FLT1: variants seen among roughly 807,000 people sequenced by gnomAD.
The protein encoded by FLT1 is vascular endothelial growth factor receptor 1.
A neutral mutation model predicts 156.3 loss-of-function variants in FLT1; 49 were observed. The observed-to-expected ratio is 0.31, with a 90% CI of 0.25 to 0.40. FLT1 has a LOEUF of 0.40. Among genes scored for constraint, FLT1 ranks in the 10% least tolerant of loss-of-function variants. The probability of loss-of-function intolerance (pLI) is 1.00; values close to 1 mark genes in which losing one functional copy is unlikely to be tolerated. For synonymous variants in FLT1, 594 were observed against 583.8 expected (o/e 1.02, Z -0.25); for missense variants, 1,322 against 1,637.2 (o/e 0.81, Z 3.32).
chr13:28,478,138 T>G (rs571148591), intron 1 of FLT1, among the ~76,000 whole-genome samples: 25 of 152,330 alleles, frequency 1.6e-4, no homozygotes, highest in African/African-American at 5.8e-4. Flanking sequence ...ATAACATGCT[T>G]GAACTGCCTT....
chr13:28,440,400 C>T lies in FLT1; in HGVS notation c.389-2055G>A, dbSNP rs370912114. 1.8e-4 allele frequency among the ~76,000 whole-genome samples: 27 copies of T among 152,286 alleles called. No individual in the cohort carries two copies. The East Asian group carries it at 2.9e-3, about 16-fold the overall frequency. On this transcript the variant is annotated intron_variant, in intron 3 of 29. Transcript: ENST00000282397. ...AGTTACTTCTGCCTCCAATCTAGAG[C>T]CCCTTCCCTGGCGGCACCCTGAAGG... is the stretch of plus-strand genomic sequence containing the variant.
rs1032300875 is a variant in FLT1, at chr13:28,467,033, T to C, written c.258A>G (p.Lys86=). 4 of 1,614,068 alleles carry C rather than the reference T, an allele frequency of 2.5e-6. No homozygotes were observed. The highest frequency in any genetic ancestry group is 1.7e-5 in the Admixed American group (1 of 60,006). Residue 86 remains lysine, a synonymous_variant, in exon 3 of 30, where the codon AAA becomes AAG. Transcript: ENST00000282397. The part of the protein sequence containing the change: ...ITKSACGRNG[K]QFCSTLTLNT... Reference sequence around the variant, plus strand: ...TCAAGGTTAAAGTACTGCAGAATTGTTTGCCATTTCTTCCACAGGCAGATT... The same window carrying C: ...TCAAGGTTAAAGTACTGCAGAATTGCTTGCCATTTCTTCCACAGGCAGATT...
intron 4 of FLT1, among the ~76,000 whole-genome samples, chr13:28,436,349 G>T (rs117823394): frequency 0.056 from 8,521 of 152,254 alleles, 445 homozygotes; most frequent in Admixed American, 0.17. Flanking sequence ...GACAATAAGA[G>T]AAATGAAAGG....
intron 3 of FLT1, among the ~76,000 whole-genome samples, chr13:28,451,899 GTGT>G (rs1230755814): frequency 5.3e-5 from 8 of 152,234 alleles, no homozygotes; most frequent in Admixed American, 1.3e-4. Flanking sequence ...GGGACAGGAG[GTGT>G]TGTGGCAGCT....
chr13:28,383,923 C>T (rs1363383736), intron 14 of FLT1, among the ~76,000 whole-genome samples: 1 of 152,130 alleles, frequency 6.6e-6, no homozygotes, highest in East Asian at 1.9e-4. Flanking sequence ...CATGTCATAC[C>T]ATTTTATATA....
At chr13:28,353,488 G>C (rs1160238463) in intron 15 of FLT1, among the ~76,000 whole-genome samples, 1 of 150,662 alleles carries the variant, frequency 6.6e-6, no homozygotes, top group East Asian at 2.0e-4. Context: ...CAGAAGAATT[G>C]CTTGAGCTCA....
At chr13:28,430,600 T>C (rs1207832928) in intron 7 of FLT1, among the ~76,000 whole-genome samples, 1 of 152,194 alleles carries the variant, frequency 6.6e-6, no homozygotes, top group East Asian at 1.9e-4. Context: ...AATTGTTCCA[T>C]AGTTTCTGCC....
Position 28,329,598 on chromosome 13 carries a change from C to T in FLT1, c.2707+17G>A, listed in dbSNP as rs752143873. 2.6e-6 allele frequency: 4 copies of T among 1,561,824 alleles called. No individual in the cohort carries two copies. The highest frequency in any genetic ancestry group is 2.2e-5 in the South Asian group (2 of 89,930). Reference sequence around the variant, plus strand: ...TGTGCAGGGGGAGACGGAGCCGGCCCTCCCCTTCTCCATTACCTCCTTGCT... The same window carrying T: ...TGTGCAGGGGGAGACGGAGCCGGCCTTCCCCTTCTCCATTACCTCCTTGCT... On this transcript the variant is annotated intron_variant, in intron 19 of 29. Coordinates refer to ENST00000282397, the MANE Select transcript of FLT1 (RefSeq NM_002019.4).
intron 12 of FLT1, among the ~76,000 whole-genome samples, chr13:28,391,277 A>G (rs1874695228): frequency 6.6e-6 from 1 of 152,194 alleles, no homozygotes; most frequent in Admixed American, 6.5e-5. Context: ...TTATAAGAAA[A>G]TAAGTCTTGG....
At chr13:28,444,532 A>G (rs1006868310) in intron 3 of FLT1, among the ~76,000 whole-genome samples, 1 of 152,290 alleles carries the variant, frequency 6.6e-6, no homozygotes, top group East Asian at 1.9e-4. Flanking sequence ...ACCCAACGAC[A>G]TCTATAGAAC....
At chr13:28,325,371 G>A (rs1222245074) in intron 20 of FLT1, among the ~76,000 whole-genome samples, 2 of 152,142 alleles carry the variant, frequency 1.3e-5, no homozygotes, top group East Asian at 3.9e-4. Context: ...AGGCAGTGGA[G>A]GAGGAGTCAA....
chr13:28,404,170 A>G (rs550503529), intron 11 of FLT1, among the ~76,000 whole-genome samples: 1 of 152,360 alleles, frequency 6.6e-6, no homozygotes, highest in African/African-American at 2.4e-5. Context: ...GTTTTAAAGT[A>G]CTGCTTATTT....
chr13:28,384,428 G>A (rs1407018725), intron 14 of FLT1, among the ~76,000 whole-genome samples: 2 of 131,842 alleles, frequency 1.5e-5, no homozygotes, highest in Non-Finnish European at 3.1e-5. Flanking sequence ...CAGCCTGGTT[G>A]ACAGAGTGAG....
intron 14 of FLT1, among the ~76,000 whole-genome samples, chr13:28,372,566 G>GCATATATATATATATATATATATATA (rs1279204338): frequency 1.1e-5 from 1 of 91,478 alleles, no homozygotes; most frequent in Non-Finnish European, 2.2e-5. Flanking sequence ...TAAATAAAAT[G>GCATATATATATATATATATATATATA]TATATATATA....
intron 12 of FLT1, among the ~76,000 whole-genome samples, chr13:28,395,081 G>A (rs1241168319): frequency 6.6e-6 from 1 of 152,170 alleles, no homozygotes; most frequent in Non-Finnish European, 1.5e-5. Context: ...ACGGCCAGGT[G>A]CTGCCACAAT....
At chr13:28,347,350 C>G (rs1386479592) in intron 15 of FLT1, among the ~76,000 whole-genome samples, 1 of 150,668 alleles carries the variant, frequency 6.6e-6, no homozygotes, top group Non-Finnish European at 1.5e-5. Flanking sequence ...TGGTAAAACC[C>G]TGTCTCTACT....
chr13:28,388,072 A>G lies in FLT1; in HGVS notation c.1969+1724T>C, dbSNP rs1221393497. On this transcript the variant is annotated intron_variant, in intron 13 of 29. Transcript: ENST00000282397. ...GCAACTATTAAGGCCCCCATGTTCT[A>G]TGGTATTAAGGCATTGTTTCCTGAA... The G allele has an allele frequency of 4.7e-6, 5 of 1,057,532 alleles. No homozygotes were observed. The South Asian group carries it at 1.4e-4, about 29-fold the overall frequency. The allele number at this position is 1,057,532 out of a possible 1,614,324, so 65.5% of individuals were successfully genotyped here.
At position 28,434,069 on chromosome 13, in the gene FLT1, G is replaced by A. The variant is rs1877877621; in HGVS notation, c.665C>T (p.Thr222Ile). ...GAAGCATCACTTACTTTGTCGATGT[G>A]TGAGATAGTTTGTCTTATACAAATG... ...NGHLYKTNYL[T>I]HRQTNTIIDV... is the part of the protein sequence containing the mutation. Residue 222 changes from threonine (T) to isoleucine (I), a missense_variant, in exon 5 of 30, where the codon ACA becomes ATA. This residue lies in a region of FLT1 where 991 missense variants were observed against 1,254.8 expected (regional missense o/e 0.79). Transcript: ENST00000282397. 3 of 1,614,184 alleles carry A rather than the reference G, an allele frequency of 1.9e-6. No homozygotes were observed. The highest frequency in any genetic ancestry group is 8.5e-7 in the Non-Finnish European group (1 of 1,180,016).
chr13:28,433,945 G>A lies in FLT1; in HGVS notation c.687C>T (p.Ile229=). The A allele has an allele frequency of 1.2e-6, 2 of 1,614,114 alleles. No homozygotes were observed. The highest frequency in any genetic ancestry group is 1.7e-6 in the Non-Finnish European group (2 of 1,179,992). Residue 229 remains isoleucine (I), a synonymous_variant, in exon 6 of 30, where the codon ATC becomes ATT. Transcript: ENST00000282397. ...NYLTHRQTNT[I]IDVQISTPRP... is the part of the protein sequence containing the mutation. Reference sequence around the variant, plus strand: ...GTGGTGTGCTTATTTGGACATCTATGATTGTATTGGCTGCAAGCATAAGAG... The same window carrying A: ...GTGGTGTGCTTATTTGGACATCTATAATTGTATTGGCTGCAAGCATAAGAG...
Sources: gnomAD v4.1 joint callset for allele counts (sites outside exome capture counted in the v4.1 genomes callset) on GRCh38, gnomAD v4.1.1 for gene constraint, gnomAD v4.1.1 regional missense constraint, MANE v1.5 for transcripts, NCBI Gene and HGNC (gene_info 2026-07-23, HGNC 2026-07-21) for gene names.